Variants in ST3GAL5 observed in about 807,000 individuals in gnomAD.
The protein encoded by ST3GAL5 is lactosylceramide alpha-2,3-sialyltransferase.
Under a neutral mutation model 46.1 loss-of-function variants are expected in ST3GAL5, and 25 were observed. The ratio of observed to expected loss-of-function variants is 0.54; its 90% CI spans 0.40 to 0.76. The LOEUF is 0.76. Ranked by LOEUF, ST3GAL5 falls within the 30% of genes least tolerant of loss-of-function variation. The pLI, the probability that ST3GAL5 is intolerant of heterozygous loss-of-function variation, is 0.00. For missense variants in ST3GAL5, 431 were observed against 521.2 expected (o/e 0.83, Z 1.69); for synonymous variants, 182 against 192.7 (o/e 0.94, Z 0.46).
At chr2:85,844,301 G>C in intron 6 of ST3GAL5, 95 bp downstream of exon 6, 2 of 1,533,910 alleles carry the variant, frequency 1.3e-6, no homozygotes, top group South Asian at 2.3e-5. Flanking sequence ...TTCTCCACTG[G>C]AGATGCTTCT....
intron 1 of ST3GAL5, among the ~76,000 whole-genome samples, chr2:85,871,187 C>T (rs1241511953): frequency 6.6e-6 from 1 of 152,052 alleles, no homozygotes; most frequent in Non-Finnish European, 1.5e-5. Context: ...TAGGTGTGCA[C>T]CACCATACCC....
chr2:85,842,274 C>A (rs367930753), intron 6 of ST3GAL5, among the ~76,000 whole-genome samples: 1 of 152,292 alleles, frequency 6.6e-6, no homozygotes, highest in African/African-American at 2.4e-5. Flanking sequence ...GGGCTCTAGG[C>A]GTTGTTCTGT....
chr2:85,855,734 C>T (rs1684025734), intron 3 of ST3GAL5: 1 of 152,134 alleles, frequency 6.6e-6, no homozygotes, highest in Non-Finnish European at 1.5e-5. Flanking sequence ...ACAGAAAGAA[C>T]TCTTACAATT....
chr2:85,867,622 T>C (rs781388554), intron 1 of ST3GAL5: 1 of 781,020 alleles, frequency 1.3e-6, no homozygotes, highest in Non-Finnish European at 2.4e-6. Flanking sequence ...AGCCATGTCC[T>C]GGGTGGCGGC....
At position 85,840,231 on chromosome 2, in the gene ST3GAL5, A is replaced by G. The variant is rs1229066524; in HGVS notation, c.1170T>C (p.Asn390=). Residue 390 remains asparagine, a synonymous_variant, in exon 7 of 7, where the codon AAT becomes AAC. Transcript: ENST00000638572. ...MAAMNFQTMH[N]VTTETKFLLK... ...AGAGGAACTTGGTTTCCGTTGTCAC[A>G]TTATGCATGGTCTGAAAGTTCATAG... 1 of 1,614,054 alleles carries G rather than the reference A, an allele frequency of 6.2e-7. No homozygotes were observed. Among genetic ancestry groups the G allele is most frequent in the Non-Finnish European group, 8.5e-7 (1 of 1,180,048 alleles).
chr2:85,847,750 A>C, intron 4 of ST3GAL5, 111 bp downstream of exon 4: 1 of 1,436,490 alleles, frequency 7.0e-7, no homozygotes, highest in Non-Finnish European at 9.3e-7. Context: ...AGCTGAGATC[A>C]CACCACTGCA....
intron 1 of ST3GAL5, chr2:85,870,189 C>G (rs936634149): frequency 2.1e-6 from 1 of 470,608 alleles, no homozygotes; most frequent in South Asian, 1.5e-5. Context: ...TTTGTCTTGT[C>G]TCCCCCACTA....
chr2:85,864,755 G>A (rs1227099861), intron 1 of ST3GAL5, among the ~76,000 whole-genome samples: 2 of 152,068 alleles, frequency 1.3e-5, no homozygotes, highest in Non-Finnish European at 2.9e-5. Context: ...CCCCATATTC[G>A]CTTTCCCCTA....
chr2:85,846,951 G>A (rs1003389867), intron 4 of ST3GAL5, among the ~76,000 whole-genome samples: 7 of 152,128 alleles, frequency 4.6e-5, no homozygotes, highest in African/African-American at 1.7e-4. Flanking sequence ...AGTCCACCAT[G>A]CCTGGCTGAC....
At chr2:85,886,834 G>A (rs1470289869) in intron 1 of ST3GAL5, among the ~76,000 whole-genome samples, 2 of 152,176 alleles carry the variant, frequency 1.3e-5, no homozygotes, top group Admixed American at 1.3e-4. Flanking sequence ...TCAGCAGTTA[G>A]GCAGCTTGGA....
At chr2:85,840,942 C>CAAAAAAAAAAAAAAAA (rs1272089535) in intron 6 of ST3GAL5, among the ~76,000 whole-genome samples, 1 of 24,180 alleles carries the variant, frequency 4.1e-5, no homozygotes, top group East Asian at 1.8e-3. Flanking sequence ...GACTCTGTCT[C>CAAAAAAAAAAAAAAAA]AAAAAAAAAA....
chr2:85,875,601 A>C (rs570384025), intron 1 of ST3GAL5: 69 of 152,284 alleles, frequency 4.5e-4, no homozygotes, highest in African/African-American at 1.5e-3. Flanking sequence ...AATTGATGCT[A>C]ATATGTTATA....
intron 1 of ST3GAL5, among the ~76,000 whole-genome samples, chr2:85,873,474 G>A (rs1197126169): frequency 1.3e-5 from 2 of 152,130 alleles, no homozygotes; most frequent in African/African-American, 2.4e-5. Context: ...TGGGGACAAG[G>A]GAGGAGGGAG....
At chr2:85,861,109 A>C in intron 3 of ST3GAL5, 72 bp downstream of exon 3, 1 of 1,038,492 alleles carries the variant, frequency 9.6e-7, no homozygotes, top group Non-Finnish European at 1.5e-6. Flanking sequence ...CACACAGTAG[A>C]CTAATGATAT....
chr2:85,845,861 T>G (rs770498429), intron 5 of ST3GAL5: 29 of 163,262 alleles, frequency 1.8e-4, no homozygotes, highest in Admixed American at 4.1e-4. Flanking sequence ...CCCTCACCAC[T>G]GTCTCTACCA....
At position 85,838,738 on chromosome 2, in the gene ST3GAL5, C is replaced by T. The variant is rs968948079; in HGVS notation, c.*1406G>A. ...GGAGATGGGAAGACGTTCGAATGGG[C>T]TGGGGCCAAGGCTGCACTGGGGCTG... is the stretch of plus-strand genomic sequence containing the variant. On this transcript the variant is annotated 3_prime_UTR_variant, in exon 7 of 7. Coordinates refer to ENST00000638572, the MANE Select transcript of ST3GAL5 (RefSeq NM_003896.4). The T allele has an allele frequency of 2.6e-5, 4 of 152,634 alleles. No homozygotes were observed. The highest frequency in any genetic ancestry group is 7.2e-5 in the African/African-American group (3 of 41,442). The allele number at this position is 152,634 out of a possible 1,614,324, so 9.5% of individuals were successfully genotyped here.
chr2:85,840,113 G>C lies in ST3GAL5; in HGVS notation c.*31C>G, dbSNP rs758910118. On this transcript the variant is annotated 3_prime_UTR_variant, in exon 7 of 7. Transcript: ENST00000638572. ...CTGTCAAAAACAGCTCTCAGAGTTA[G>C]AGTTGCATTTTCAACTGAGGTTTTC... 1 of 1,614,026 alleles carries C rather than the reference G, an allele frequency of 6.2e-7. No individual in the cohort carries two copies. Among genetic ancestry groups the C allele is most frequent in the African/African-American group, 1.3e-5 (1 of 74,926 alleles).
chr2:85,857,622 T>C (rs1684290371), intron 3 of ST3GAL5, among the ~76,000 whole-genome samples: 2 of 149,886 alleles, frequency 1.3e-5, no homozygotes, highest in South Asian at 2.1e-4. Flanking sequence ...CTAAAATACA[T>C]AGAGTTGGGA....
intron 2 of ST3GAL5, among the ~76,000 whole-genome samples, chr2:85,862,298 T>C (rs751082525): frequency 6.6e-6 from 1 of 152,044 alleles, no homozygotes; most frequent in East Asian, 1.9e-4. Context: ...CACAAAATAT[T>C]TCTCATATAC....
Sources: allele counts gnomAD v4.1 joint callset (sites outside exome capture counted in the v4.1 genomes callset), GRCh38; gene constraint gnomAD v4.1.1; transcripts MANE v1.5; gene names NCBI Gene and HGNC (gene_info 2026-07-23, HGNC 2026-07-21).